Variants in OTOGL observed in about 807,000 individuals in gnomAD.
The protein encoded by OTOGL is otogelin-like protein.
In OTOGL, 285 loss-of-function variants were observed where a neutral mutation model predicts 318.5. The observed-to-expected ratio is 0.89, with a 90% confidence interval of 0.81 to 0.99. OTOGL has a LOEUF of 0.99. Among genes scored for constraint, OTOGL ranks in the 50% least tolerant of loss-of-function variants. OTOGL has a pLI of 0.00. For synonymous variants in OTOGL, 987 were observed against 936.5 expected, an observed-to-expected ratio of 1.05 and a Z score of -0.99; for missense variants, 2,899 against 2,845.6, an observed-to-expected ratio of 1.02 and a Z score of -0.43.
At chr12:80,368,041 C>A (rs749988059) in intron 54 of OTOGL, among the ~76,000 whole-genome samples, 164 bp from the exon 55 acceptor site, 2 of 151,996 alleles carry the variant, frequency 1.3e-5, no homozygotes, top group Non-Finnish European at 2.9e-5. Context: ...TCTAATATAA[C>A]CATATAAAGT....
Position 80,252,099 on chromosome 12 carries a change from G to A in OTOGL, c.1183G>A (p.Val395Ile). ...AGCTGATAAATGTGATGATAGCTTT[G>A]TCCATCGGGACTGTATCAGTTGTTG... ...ACTDKCDDSF[V>I]HRDCISCCPP... The change falls in exon 13 of 59, where the codon GTC becomes ATC. Residue 395 changes from valine to isoleucine, a missense_variant. Val to Ile is a conservative substitution (Grantham distance 29). Coordinates refer to ENST00000547103, the MANE Select transcript of OTOGL (RefSeq NM_001378609.3). The A allele has an allele frequency of 1.3e-6, 2 of 1,551,554 alleles. No individual in the cohort carries two copies. Among genetic ancestry groups the A allele is most frequent in the Non-Finnish European group, 1.7e-6 (2 of 1,146,174 alleles).
intron 24 of OTOGL, among the ~76,000 whole-genome samples, chr12:80,276,492 A>G (rs946834186): frequency 1.3e-5 from 2 of 151,804 alleles, no homozygotes; most frequent in African/African-American, 4.8e-5. Flanking sequence ...GTTCATTGTG[A>G]TAAATCCTCC....
intron 16 of OTOGL, 29 bp downstream of exon 16, chr12:80,255,214 A>G: frequency 7.3e-7 from 1 of 1,371,652 alleles, no homozygotes; most frequent in Non-Finnish European, 9.5e-7. Flanking sequence ...GACCAGAGGA[A>G]TATGGATTCA....
intron 1 of OTOGL, among the ~76,000 whole-genome samples, chr12:80,116,575 G>C (rs1284768828): frequency 6.6e-6 from 1 of 152,072 alleles, no homozygotes; most frequent in African/African-American, 2.4e-5. Context: ...CCTTTGTTGA[G>C]GCTTTAATCA....
intron 35 of OTOGL, among the ~76,000 whole-genome samples, chr12:80,324,391 A>G (rs1212408606): frequency 6.6e-6 from 1 of 152,160 alleles, no homozygotes; most frequent in Non-Finnish European, 1.5e-5. Context: ...GTGTTCGAGG[A>G]TCAGCAAGGA....
intron 1 of OTOGL, among the ~76,000 whole-genome samples, chr12:80,149,877 T>C (rs1465140355): frequency 6.6e-6 from 1 of 152,188 alleles, no homozygotes; most frequent in Non-Finnish European, 1.5e-5. Context: ...CCCCTTGCAC[T>C]TCCCGAGTGA....
intron 1 of OTOGL, chr12:80,189,569 T>C: frequency 1.4e-5 from 10 of 705,920 alleles, no homozygotes; most frequent in Non-Finnish European, 1.7e-5. Context: ...ACAATATAGT[T>C]ATCTGAAAGA....
intron 26 of OTOGL, among the ~76,000 whole-genome samples, chr12:80,293,417 C>A (rs1305697698): frequency 6.6e-6 from 1 of 152,154 alleles, no homozygotes; most frequent in Non-Finnish European, 1.5e-5. Context: ...ATTTACCATT[C>A]TTTTTCCCAA....
intron 1 of OTOGL, among the ~76,000 whole-genome samples, chr12:80,147,118 G>A (rs997788381): frequency 6.6e-6 from 1 of 151,790 alleles, no homozygotes; most frequent in African/African-American, 2.4e-5. Context: ...GTTTGCTCTT[G>A]CTTTTCTAGT....
At chr12:80,206,817 C>T (rs1012940188) in intron 1 of OTOGL, among the ~76,000 whole-genome samples, 1 of 151,696 alleles carries the variant, frequency 6.6e-6, no homozygotes, top group Admixed American at 6.6e-5. Flanking sequence ...TCAAATTCTA[C>T]CAGACAAAAC....
chr12:80,145,901 T>C (rs376458484), intron 1 of OTOGL, among the ~76,000 whole-genome samples: 7 of 151,614 alleles, frequency 4.6e-5, no homozygotes, highest in Non-Finnish European at 7.4e-5. Flanking sequence ...TTTTTGTACA[T>C]TGATTTTGTA....
chr12:80,231,494 T>C (rs1342743138), intron 8 of OTOGL, among the ~76,000 whole-genome samples: 2 of 152,180 alleles, frequency 1.3e-5, no homozygotes, highest in African/African-American at 4.8e-5. Context: ...TTTTGGTCCA[T>C]TAAGCCATGC....
chr12:80,281,389 G>T (rs1884226185), intron 26 of OTOGL, among the ~76,000 whole-genome samples: 1 of 151,758 alleles, frequency 6.6e-6, no homozygotes, highest in South Asian at 2.1e-4. Context: ...AGTTTTTAGA[G>T]GATTTTTAAT....
At chr12:80,307,914 C>T (rs1300436843) in intron 29 of OTOGL, among the ~76,000 whole-genome samples, 7 of 97,642 alleles carry the variant, frequency 7.2e-5, no homozygotes, top group East Asian at 6.1e-4. Context: ...GCTGGCCGGG[C>T]GGGGGCTGAC....
At position 80,142,063 on chromosome 12, in the gene OTOGL, G is replaced by C. The variant is rs150083813; in HGVS notation, c.-20+42458G>C. ...TATTGCTTGCTTAGTGTACCAAATG[G>C]GAGAACTTTTGAGTTTCTGAAAGAA... On this transcript the variant is annotated intron_variant, in intron 1 of 58. Transcript: ENST00000547103. 4.3e-3 allele frequency among the ~76,000 whole-genome samples: 650 copies of C among 152,176 alleles called. 6 individuals are homozygous for C. Among genetic ancestry groups the C allele is most frequent in the African/African-American group, 0.015 (611 of 41,524 alleles).
At chr12:80,141,637 G>C (rs1172810085) in intron 1 of OTOGL, among the ~76,000 whole-genome samples, 3 of 152,054 alleles carry the variant, frequency 2.0e-5, no homozygotes, top group African/African-American at 7.2e-5. Context: ...CTCCCTAAAG[G>C]GTGTCAGCCT....
chr12:80,310,539 G>A, intron 29 of OTOGL, 72 bp from the exon 30 acceptor site: 2 of 1,005,194 alleles, frequency 2.0e-6, no homozygotes, highest in Non-Finnish European at 3.0e-6. Context: ...AATGAGTGAA[G>A]TTGGGTAGGT....
At chr12:80,338,040 C>T (rs1888520003) in intron 42 of OTOGL, among the ~76,000 whole-genome samples, 1 of 151,986 alleles carries the variant, frequency 6.6e-6, no homozygotes, top group Non-Finnish European at 1.5e-5. Flanking sequence ...ACTGGTCAGG[C>T]ACTGTATTCA....
chr12:80,374,284 C>G (rs574514705), intron 57 of OTOGL, among the ~76,000 whole-genome samples: 1 of 152,004 alleles, frequency 6.6e-6, no homozygotes, highest in African/African-American at 2.4e-5. Context: ...ACATGAACAC[C>G]AGTAATATTG....
Sources: allele counts gnomAD v4.1 joint callset (sites outside exome capture counted in the v4.1 genomes callset), GRCh38; gene constraint gnomAD v4.1.1; transcripts MANE v1.5; gene names NCBI Gene and HGNC (gene_info 2026-07-23, HGNC 2026-07-21).